The following CMSS1 variants were observed in gnomAD, a reference collection of about 807,000 sequenced individuals.
The protein encoded by CMSS1 is cms1 ribosomal small subunit homolog.
Under a neutral mutation model 43.5 loss-of-function variants are expected in CMSS1, and 33 were observed. The observed-to-expected ratio is 0.76, with a 90% CI of 0.57 to 1.01. The LOEUF is 1.01. CMSS1 is among the 50% of genes least tolerant of loss of function. The probability of loss-of-function intolerance (pLI) is 0.00; values close to 1 mark genes in which losing one functional copy is unlikely to be tolerated. For synonymous variants in CMSS1, 115 were observed against 117.2 expected, an observed-to-expected ratio of 0.98 and a Z score of 0.12; for missense variants, 313 against 326.4, an observed-to-expected ratio of 0.96 and a Z score of 0.32.
chr3:99,962,444 G>GTT (rs903223826), intron 1 of CMSS1, among the ~76,000 whole-genome samples: 1 of 152,150 alleles, frequency 6.6e-6, no homozygotes, highest in Admixed American at 6.5e-5. Context: ...ATTATCTTTT[G>GTT]TTGTTAGAGA....
intron 1 of CMSS1, among the ~76,000 whole-genome samples, chr3:100,096,984 T>A (rs1209955681): frequency 6.6e-6 from 1 of 152,150 alleles, no homozygotes; most frequent in Non-Finnish European, 1.5e-5. Flanking sequence ...TATATTGCAT[T>A]ACACCCTGGG....
intron 4 of CMSS1, among the ~76,000 whole-genome samples, chr3:100,165,050 G>A (rs1363727719): frequency 1.3e-5 from 2 of 152,056 alleles, no homozygotes; most frequent in Admixed American, 6.6e-5. Context: ...AGTTGCAACC[G>A]AATCACCCAG....
At chr3:99,880,375 G>A (rs1282270562) in intron 1 of CMSS1, among the ~76,000 whole-genome samples, 21 of 152,068 alleles carry the variant, frequency 1.4e-4, no homozygotes, top group Admixed American at 1.4e-3. Flanking sequence ...CATATAAACT[G>A]CAGTAACTGA....
chr3:100,127,405 T>G (rs1316630026), intron 1 of CMSS1, among the ~76,000 whole-genome samples: 4 of 152,188 alleles, frequency 2.6e-5, no homozygotes, highest in African/African-American at 9.7e-5. Context: ...CAATGTCGTC[T>G]TTCCCAGGAT....
intron 2 of CMSS1, among the ~76,000 whole-genome samples, chr3:100,155,592 C>T (rs1245027619): frequency 1.3e-5 from 2 of 152,134 alleles, no homozygotes; most frequent in Non-Finnish European, 2.9e-5. Flanking sequence ...CCCTTCAGCA[C>T]CCTCCTGGGC....
intron 1 of CMSS1, among the ~76,000 whole-genome samples, chr3:100,138,507 C>T (rs1703353382): frequency 6.6e-6 from 1 of 152,000 alleles, no homozygotes; most frequent in Admixed American, 6.6e-5. Context: ...AAAAAAACAA[C>T]CCCATCAAAA....
At chr3:99,988,866 T>G (rs1185279419) in intron 1 of CMSS1, among the ~76,000 whole-genome samples, 2 of 152,242 alleles carry the variant, frequency 1.3e-5, no homozygotes, top group Non-Finnish European at 2.9e-5. Flanking sequence ...TTCATTCTCC[T>G]GGCTTCTGCC....
At chr3:100,053,434 G>A (rs750269692) in intron 1 of CMSS1, among the ~76,000 whole-genome samples, 4 of 152,134 alleles carry the variant, frequency 2.6e-5, no homozygotes, top group Non-Finnish European at 5.9e-5. Flanking sequence ...TCCCAAATCT[G>A]CCGCTGTCTT....
At chr3:100,044,840 G>A (rs1366263567) in intron 1 of CMSS1, among the ~76,000 whole-genome samples, 1 of 152,184 alleles carries the variant, frequency 6.6e-6, no homozygotes, top group Non-Finnish European at 1.5e-5. Context: ...AGTGGTTAAT[G>A]GCTCCAAAAC....
At chr3:99,887,451 T>C (rs1011031632) in intron 1 of CMSS1, among the ~76,000 whole-genome samples, 4 of 152,136 alleles carry the variant, frequency 2.6e-5, no homozygotes, top group African/African-American at 9.7e-5. Flanking sequence ...CTGCAGGCAA[T>C]TGTGCATGTG....
intron 1 of CMSS1, among the ~76,000 whole-genome samples, chr3:100,000,585 T>C (rs1273020562): frequency 6.6e-6 from 1 of 152,202 alleles, no homozygotes; most frequent in East Asian, 1.9e-4. Flanking sequence ...CGCAGTAGCT[T>C]ATGGCTGTAA....
intron 1 of CMSS1, among the ~76,000 whole-genome samples, chr3:99,869,380 T>C (rs529332812): frequency 3.3e-5 from 5 of 152,362 alleles, no homozygotes; most frequent in Non-Finnish European, 7.3e-5. Flanking sequence ...CTCTCACTTT[T>C]ATTTGAAAGC....
chr3:100,045,172 G>A (rs530544228), intron 1 of CMSS1, among the ~76,000 whole-genome samples: 4 of 152,308 alleles, frequency 2.6e-5, no homozygotes, highest in Admixed American at 1.3e-4. Flanking sequence ...TTAAAGCTGC[G>A]AATATGACCT....
chr3:99,933,832 A>G (rs1707570338), intron 1 of CMSS1, among the ~76,000 whole-genome samples: 1 of 152,168 alleles, frequency 6.6e-6, no homozygotes. Flanking sequence ...CATTAGGGTG[A>G]CTGGCTTGCT....
intron 1 of CMSS1, among the ~76,000 whole-genome samples, chr3:100,033,864 G>A (rs963180540): frequency 4.6e-5 from 7 of 152,152 alleles, no homozygotes; most frequent in African/African-American, 9.7e-5. Flanking sequence ...ATTTTCCTAA[G>A]TGAACATCTA....
chr3:100,172,506 C>T (rs928973545), intron 8 of CMSS1, 103 bp downstream of exon 8: 31 of 818,026 alleles, frequency 3.8e-5, no homozygotes, highest in Non-Finnish European at 5.3e-5. Flanking sequence ...AACCAGACCT[C>T]TGTGTTAATT....
chr3:100,174,631 G>A (rs964245044), intron 8 of CMSS1, among the ~76,000 whole-genome samples: 1 of 152,142 alleles, frequency 6.6e-6, no homozygotes, highest in Non-Finnish European at 1.5e-5. Flanking sequence ...AGTGTTTAAA[G>A]AGAATAGTCC....
intron 1 of CMSS1, among the ~76,000 whole-genome samples, chr3:99,923,437 C>G (rs1488197748): frequency 6.6e-6 from 1 of 152,196 alleles, no homozygotes; most frequent in Non-Finnish European, 1.5e-5. Context: ...AACTGTGCCC[C>G]ATTCCCATAT....
In CMSS1 at chr3:99,917,142, G is replaced by A. The variant is rs569376777; in HGVS notation, c.64+99099G>A. ...AGTAACCACCAGCTAGTTAGTAGAT[G>A]TATTATAGAGTATTTACTGTATGTC... is the stretch of plus-strand genomic sequence containing the variant. On this transcript the variant is annotated intron_variant, in intron 1 of 9. Transcript: ENST00000421999. 5.9e-5 allele frequency among the ~76,000 whole-genome samples: 9 copies of A among 152,256 alleles called. No homozygotes were observed. In the South Asian group the frequency reaches 1.9e-3, roughly 32 times the overall value.
Sources: gnomAD v4.1 joint callset for allele counts (sites outside exome capture counted in the v4.1 genomes callset) on GRCh38, gnomAD v4.1.1 for gene constraint, MANE v1.5 for transcripts, NCBI Gene and HGNC (gene_info 2026-07-23, HGNC 2026-07-21) for gene names.